The following TLK1 variants were observed in gnomAD, a reference collection of about 807,000 sequenced individuals.
TLK1 encodes the protein serine/threonine-protein kinase tousled-like 1.
Under a neutral mutation model 105.3 loss-of-function variants are expected in TLK1, and 24 were observed. That is an observed-to-expected ratio of 0.23 (90% CI 0.17 to 0.32). The LOEUF is 0.32. Among genes scored for constraint, TLK1 ranks in the 10% least tolerant of loss-of-function variants. The pLI, the probability that TLK1 is intolerant of heterozygous loss-of-function variation, is 1.00. For synonymous variants in TLK1, 321 were observed against 310.4 expected (o/e 1.03, Z -0.36); for missense variants, 558 against 910.5 (o/e 0.61, Z 4.98).
intron 1 of TLK1, among the ~76,000 whole-genome samples, chr2:171,129,363 CCTAT>C (rs1021813051): frequency 6.6e-6 from 1 of 152,136 alleles, no homozygotes; most frequent in African/African-American, 2.4e-5. Flanking sequence ...TCCTTCTTGG[CCTAT>C]TCTTCTATCC....
intron 11 of TLK1, among the ~76,000 whole-genome samples, chr2:171,040,423 A>G (rs1020167807): frequency 6.6e-6 from 1 of 152,166 alleles, no homozygotes; most frequent in Non-Finnish European, 1.5e-5. Context: ...GTGTGGGGAC[A>G]GGGGTTAGGT....
intron 1 of TLK1, among the ~76,000 whole-genome samples, chr2:171,147,337 C>G (rs1456166554): frequency 2.6e-5 from 4 of 152,190 alleles, no homozygotes; most frequent in African/African-American, 9.7e-5. Flanking sequence ...ACTAAGAAAA[C>G]AACAGTGACA....
chr2:171,030,910 C>T (rs1004238633), intron 11 of TLK1, among the ~76,000 whole-genome samples: 8 of 151,992 alleles, frequency 5.3e-5, no homozygotes, highest in African/African-American at 1.9e-4. Context: ...AGCTCCTACA[C>T]ATGCACATGG....
At chr2:171,132,185 C>T (rs1451161559) in intron 1 of TLK1, among the ~76,000 whole-genome samples, 1 of 152,178 alleles carries the variant, frequency 6.6e-6, no homozygotes, top group South Asian at 2.1e-4. Context: ...CCAAAGGCAC[C>T]TCTTCACAGA....
At chr2:171,211,941 G>A (rs1438811737) in intron 1 of TLK1, among the ~76,000 whole-genome samples, 21 of 151,868 alleles carry the variant, frequency 1.4e-4, no homozygotes, top group Non-Finnish European at 3.1e-4. Flanking sequence ...TGCCTCCTGG[G>A]TTCAAGCGAT....
Position 171,046,445 on chromosome 2 carries a change from T to C in TLK1, c.981-83A>G, listed in dbSNP as rs1418102691. ...ACTTGGAAAAAATGCATAAAAAACA[T>C]GAAAAACCATAAAATATACATTCGT... On this transcript the variant is annotated intron_variant, in intron 10 of 20. Transcript: ENST00000431350. The C allele has an allele frequency of 7.8e-6, 11 of 1,409,366 alleles. No homozygotes were observed. The East Asian group carries it at 2.6e-4, about 33-fold the overall frequency. The allele number at this position is 1,409,366 out of a possible 1,614,324, so 87.3% of individuals were successfully genotyped here.
At chr2:171,107,239 G>A (rs1056224759) in intron 2 of TLK1, among the ~76,000 whole-genome samples, 1 of 152,196 alleles carries the variant, frequency 6.6e-6, no homozygotes, top group East Asian at 1.9e-4. Flanking sequence ...GATTCTCTGA[G>A]ATAATATGCC....
intron 11 of TLK1, among the ~76,000 whole-genome samples, chr2:171,044,438 ATTTGT>A (rs1000003956): frequency 6.6e-6 from 1 of 152,186 alleles, no homozygotes; most frequent in Non-Finnish European, 1.5e-5. Flanking sequence ...ACAAGGTTTT[ATTTGT>A]TTTTAGTAAA....
At chr2:171,035,443 G>A (rs1686279877) in intron 11 of TLK1, among the ~76,000 whole-genome samples, 2 of 151,920 alleles carry the variant, frequency 1.3e-5, no homozygotes, top group African/African-American at 4.8e-5. Context: ...TGATTATGAG[G>A]CCTCCCCAAC....
chr2:171,183,703 T>C (rs1692969857), intron 1 of TLK1, among the ~76,000 whole-genome samples: 1 of 152,230 alleles, frequency 6.6e-6, no homozygotes, highest in Non-Finnish European at 1.5e-5. Context: ...ATAGTTTAAT[T>C]GATGACCATT....
intron 2 of TLK1, among the ~76,000 whole-genome samples, chr2:171,115,846 C>T (rs1290932260): frequency 1.3e-5 from 2 of 152,242 alleles, no homozygotes; most frequent in East Asian, 3.9e-4. Flanking sequence ...TTCTGGACCA[C>T]CTCATTATGC....
At chr2:171,054,007 A>C in intron 7 of TLK1, 154 bp from the exon 8 acceptor site, 1 of 530,312 alleles carries the variant, frequency 1.9e-6, no homozygotes, top group Non-Finnish European at 3.2e-6. Context: ...CAGTTTTAAT[A>C]ACTTCAAGTG....
intron 1 of TLK1, among the ~76,000 whole-genome samples, chr2:171,206,792 T>A (rs1279183335): frequency 6.6e-6 from 1 of 152,168 alleles, no homozygotes; most frequent in African/African-American, 2.4e-5. Context: ...AATAAGCATA[T>A]GAAAAGATGT....
At chr2:171,225,416 C>T (rs185760732) in intron 1 of TLK1, among the ~76,000 whole-genome samples, 7 of 151,918 alleles carry the variant, frequency 4.6e-5, no homozygotes, top group African/African-American at 1.7e-4. Flanking sequence ...CTCAAAACCA[C>T]AATGAGATAG....
chr2:171,152,758 G>T (rs1692093842), intron 1 of TLK1, among the ~76,000 whole-genome samples: 1 of 151,980 alleles, frequency 6.6e-6, no homozygotes, highest in Non-Finnish European at 1.5e-5. Context: ...GAAGTTTTTT[G>T]TTCAAATTCT....
At chr2:171,013,762 G>C (rs748133597) in intron 13 of TLK1, among the ~76,000 whole-genome samples, 1 of 152,098 alleles carries the variant, frequency 6.6e-6, no homozygotes, top group African/African-American at 2.4e-5. Context: ...ACAGAAATTG[G>C]CCACTTCCTA....
At chr2:171,166,432 G>A (rs1692611660) in intron 1 of TLK1, among the ~76,000 whole-genome samples, 1 of 152,210 alleles carries the variant, frequency 6.6e-6, no homozygotes, top group South Asian at 2.1e-4. Context: ...GGGAAGAATA[G>A]GCCAAATGCC....
intron 2 of TLK1, among the ~76,000 whole-genome samples, chr2:171,113,272 C>CT (rs767944584): frequency 0.023 from 3,317 of 141,588 alleles, 105 homozygotes; most frequent in African/African-American, 0.07. Context: ...CATACATATC[C>CT]TTTTTTTTTT....
In TLK1 at chr2:171,114,931, A is replaced by G. The variant is rs546214363; in HGVS notation, c.258+2808T>C. Among the ~76,000 whole-genome samples, 8 of 152,280 alleles carry G rather than the reference A, an allele frequency of 5.3e-5. No individual in the cohort carries two copies. In the South Asian group the frequency reaches 1.7e-3, roughly 32 times the overall value. The stretch of plus-strand genomic sequence containing the variant: ...AAAGGATTACAGTCCTATAAACACC[A>G]TGGTTTTAGCCCATAAAACTAGTAA... On this transcript the variant is annotated intron_variant, in intron 2 of 20. Transcript: ENST00000431350.
Sources: gnomAD v4.1 joint callset for allele counts (sites outside exome capture counted in the v4.1 genomes callset) on GRCh38, gnomAD v4.1.1 for gene constraint, MANE v1.5 for transcripts, NCBI Gene and HGNC (gene_info 2026-07-23, HGNC 2026-07-21) for gene names.